YAP1: variants seen among roughly 807,000 people sequenced by gnomAD.
YAP1 encodes the protein transcriptional coactivator YAP1.
Under a neutral mutation model 56.9 loss-of-function variants are expected in YAP1, and 5 were observed. The ratio of observed to expected loss-of-function variants is 0.09; its 90% CI spans 0.05 to 0.18. The LOEUF (loss-of-function observed/expected upper bound fraction) is 0.18, where lower values mean the gene tolerates loss of function less well. Ranked by LOEUF, YAP1 falls within the 10% of genes least tolerant of loss-of-function variation. YAP1 has a pLI of 1.00. For synonymous variants in YAP1, 265 were observed against 248.1 expected, an observed-to-expected ratio of 1.07 and a Z score of -0.64; for missense variants, 539 against 651.8, an observed-to-expected ratio of 0.83 and a Z score of 1.88.
intron 4 of YAP1, chr11:102,186,533 G>A (rs1947957858): frequency 4.2e-6 from 1 of 238,084 alleles, no homozygotes; most frequent in South Asian, 5.3e-5. Flanking sequence ...TTGTGCTTAG[G>A]TTCTGAGAGT....
chr11:102,142,291 C>G (rs777711056), intron 2 of YAP1, among the ~76,000 whole-genome samples: 1 of 151,996 alleles, frequency 6.6e-6, no homozygotes, highest in African/African-American at 2.4e-5. Flanking sequence ...AGAGAAAGAT[C>G]GATGATTAGT....
intron 2 of YAP1, among the ~76,000 whole-genome samples, chr11:102,122,069 G>A (rs1007091669): frequency 1.6e-4 from 25 of 152,126 alleles, no homozygotes; most frequent in African/African-American, 6.0e-4. Flanking sequence ...ACCTGGCCAG[G>A]CATATGGTTT....
At chr11:102,223,167 G>T (rs1266309889) in intron 6 of YAP1, among the ~76,000 whole-genome samples, 1 of 150,438 alleles carries the variant, frequency 6.6e-6, no homozygotes, top group Non-Finnish European at 1.5e-5. Context: ...AGAATCACTT[G>T]AACCCAGGAG....
chr11:102,180,826 T>G (rs1947565042), intron 3 of YAP1, among the ~76,000 whole-genome samples: 1 of 151,608 alleles, frequency 6.6e-6, no homozygotes, highest in South Asian at 2.1e-4. Flanking sequence ...AGTTCTCAAC[T>G]AAAAATGTTT....
At chr11:102,152,718 A>T (rs879638614) in intron 2 of YAP1, among the ~76,000 whole-genome samples, 1 of 152,212 alleles carries the variant, frequency 6.6e-6, no homozygotes, top group African/African-American at 2.4e-5. Flanking sequence ...AAAGATTCAG[A>T]TTATGCCTGG....
intron 2 of YAP1, among the ~76,000 whole-genome samples, chr11:102,124,390 A>G (rs1180903045): frequency 2.0e-5 from 3 of 152,210 alleles, no homozygotes; most frequent in Non-Finnish European, 4.4e-5. Context: ...ATTGTCAACA[A>G]TGCCTAGTCA....
chr11:102,181,578 G>A lies in YAP1; in HGVS notation c.689-4440G>A, dbSNP rs766233823. ...CAAATGTGAAATGAATTTTGGAGACGGAGAAAGACTCTCTCAAAATAAATA... is the reference window on the plus strand; with the variant it reads ...CAAATGTGAAATGAATTTTGGAGACAGAGAAAGACTCTCTCAAAATAAATA... On this transcript the variant is annotated intron_variant, in intron 3 of 8. Coordinates refer to ENST00000282441, the MANE Select transcript of YAP1 (RefSeq NM_001130145.3). Among the ~76,000 whole-genome samples the A allele has an allele frequency of 7.9e-5, 12 of 151,980 alleles. 1 individual carries two copies. The highest frequency in any genetic ancestry group is 4.2e-4 in the South Asian group (2 of 4,818).
rs118164560 is a variant in YAP1 at position 102,216,318 on chromosome 11, G to A, written c.1032+6754G>A. Among the ~76,000 whole-genome samples the A allele has an allele frequency of 5.0e-3, 753 of 152,088 alleles. 5 individuals are homozygous for A. Among genetic ancestry groups the A allele is most frequent in the South Asian group, 0.017 (83 of 4,824 alleles). On this transcript the variant is annotated intron_variant, in intron 6 of 8. Coordinates refer to ENST00000282441, the MANE Select transcript of YAP1 (RefSeq NM_001130145.3). ...TAAAATAGTGAAAATTTGTTTCAGG[G>A]TTATCTAGACATTTTGCTACTTTAA...
chr11:102,114,056 G>A, intron 1 of YAP1, 88 bp from the exon 2 acceptor site: 4 of 1,383,692 alleles, frequency 2.9e-6, no homozygotes, highest in South Asian at 3.5e-5. Flanking sequence ...TTAGATATTC[G>A]GCTGCAATTA....
At chr11:102,174,465 C>T (rs994577315) in intron 3 of YAP1, among the ~76,000 whole-genome samples, 2 of 151,714 alleles carry the variant, frequency 1.3e-5, no homozygotes, top group East Asian at 1.9e-4. Flanking sequence ...CCCAGCTACT[C>T]GGGAGGCTGA....
intron 2 of YAP1, among the ~76,000 whole-genome samples, chr11:102,156,955 C>T (rs964272732): frequency 1.3e-5 from 2 of 152,058 alleles, no homozygotes; most frequent in South Asian, 2.1e-4. Flanking sequence ...TTCATGCTTG[C>T]GGGCAAATGT....
chr11:102,143,815 G>T (rs958731386), intron 2 of YAP1, among the ~76,000 whole-genome samples: 53 of 152,168 alleles, frequency 3.5e-4, no homozygotes, highest in Non-Finnish European at 1.5e-4. Context: ...CTCAGTTTTT[G>T]TATGATAACT....
At chr11:102,188,432 A>G (rs1345263527) in intron 4 of YAP1, among the ~76,000 whole-genome samples, 2 of 152,226 alleles carry the variant, frequency 1.3e-5, no homozygotes, top group South Asian at 2.1e-4. Context: ...CAGATTAATT[A>G]TAGTTAGAAT....
At chr11:102,206,173 G>A (rs1156561196) in intron 5 of YAP1, 99 bp downstream of exon 5, 24 of 1,411,102 alleles carry the variant, frequency 1.7e-5, no homozygotes, top group Non-Finnish European at 2.3e-5. Context: ...ACAGAGGAAT[G>A]TTGTCTTTGT....
chr11:102,141,307 C>T (rs545220100), intron 2 of YAP1, among the ~76,000 whole-genome samples: 9 of 152,302 alleles, frequency 5.9e-5, no homozygotes, highest in South Asian at 4.1e-4. Context: ...GAACTATTTT[C>T]GTGTTCCCAG....
chr11:102,175,386 C>G (rs1032103867), intron 3 of YAP1, among the ~76,000 whole-genome samples: 1 of 151,956 alleles, frequency 6.6e-6, no homozygotes, highest in Non-Finnish European at 1.5e-5. Flanking sequence ...GGTGACAGAG[C>G]GAGACCTCGT....
At chr11:102,137,784 T>C (rs1285282470) in intron 2 of YAP1, among the ~76,000 whole-genome samples, 3 of 152,110 alleles carry the variant, frequency 2.0e-5, no homozygotes, top group African/African-American at 7.2e-5. Context: ...GGAGTTCCTT[T>C]TCTCAATATC....
chr11:102,215,946 AT>A (rs1464214342), intron 6 of YAP1, among the ~76,000 whole-genome samples: 3 of 152,174 alleles, frequency 2.0e-5, no homozygotes, highest in African/African-American at 7.2e-5. Context: ...ACAATATGAT[AT>A]GTCTTTGTGG....
At chr11:102,183,990 T>A (rs990772781) in intron 3 of YAP1, among the ~76,000 whole-genome samples, 3 of 145,318 alleles carry the variant, frequency 2.1e-5, no homozygotes, top group Non-Finnish European at 3.0e-5. Flanking sequence ...GGCAGGAGAA[T>A]GGCGTGAACC....
Sources: allele counts gnomAD v4.1 joint callset (sites outside exome capture counted in the v4.1 genomes callset), GRCh38; gene constraint gnomAD v4.1.1; transcripts MANE v1.5; gene names NCBI Gene and HGNC (gene_info 2026-07-23, HGNC 2026-07-21).